DMD: variants seen among roughly 807,000 people sequenced by gnomAD.
The protein encoded by DMD is mutant dystrophin.
A neutral mutation model predicts 330.1 loss-of-function variants in DMD; 63 were observed. That is an observed-to-expected ratio of 0.19 (90% CI 0.16 to 0.24). The LOEUF (loss-of-function observed/expected upper bound fraction) is 0.24, where lower values mean the gene tolerates loss of function less well. DMD is among the 10% of genes least tolerant of loss of function. The pLI, the probability that DMD is intolerant of heterozygous loss-of-function variation, is 1.00. For synonymous variants in DMD, 1,223 were observed against 959.8 expected, an observed-to-expected ratio of 1.27 and a Z score of -5.07; for missense variants, 3,344 against 2,684.1, an observed-to-expected ratio of 1.25 and a Z score of -5.43.
chrX:31,168,040 G>C (rs2039605540), intron 74 of DMD, among the ~76,000 whole-genome samples: 1 of 112,015 alleles, frequency 8.9e-6, no homozygotes, highest in African/African-American at 3.2e-5. Flanking sequence ...GGCTCCATGG[G>C]GAAAGTTATT....
intron 71 of DMD, 111 bp downstream of exon 71, chrX:31,177,821 C>A: frequency 2.7e-6 from 2 of 728,725 alleles, no homozygotes; most frequent in Non-Finnish European, 4.2e-6. Flanking sequence ...ATTAATATGT[C>A]CATAAAACAA....
At chrX:32,748,630 A>G (rs2070395136) in intron 7 of DMD, among the ~76,000 whole-genome samples, 1 of 112,090 alleles carries the variant, frequency 8.9e-6, no homozygotes, top group African/African-American at 3.2e-5. Flanking sequence ...ATCTCAAACC[A>G]TAAATGATGG....
chrX:31,367,067 T>C (rs1276084190), intron 60 of DMD, among the ~76,000 whole-genome samples: 1 of 111,520 alleles, frequency 9.0e-6, no homozygotes, highest in Non-Finnish European at 1.9e-5. Context: ...AAAAGCACTT[T>C]AGAAGGATGG....
At chrX:32,017,636 C>T (rs769913095) in intron 44 of DMD, among the ~76,000 whole-genome samples, 18 of 111,416 alleles carry the variant, frequency 1.6e-4, no homozygotes, top group Non-Finnish European at 2.6e-4. Context: ...ACATATGTAA[C>T]GAGGAACTGG....
chrX:33,284,015 C>CA (rs1200731638), intron 1 of DMD, among the ~76,000 whole-genome samples: 1 of 110,261 alleles, frequency 9.1e-6, no homozygotes, highest in East Asian at 2.9e-4. Context: ...AAGACTGTCT[C>CA]AAAAAACAAG....
At chrX:33,142,438 A>G (rs759583147) in intron 1 of DMD, among the ~76,000 whole-genome samples, 97 of 113,053 alleles carry the variant, frequency 8.6e-4, no homozygotes, top group Non-Finnish European at 1.6e-3. Flanking sequence ...TTGAATAATC[A>G]AAACTGAAGT....
At chrX:33,111,573 C>T (rs1426887138) in intron 1 of DMD, among the ~76,000 whole-genome samples, 2 of 111,709 alleles carry the variant, frequency 1.8e-5, no homozygotes, top group East Asian at 2.8e-4. Context: ...ATAAACAAAA[C>T]GACAAACATA....
intron 44 of DMD, among the ~76,000 whole-genome samples, chrX:32,128,778 T>C (rs2096673784): frequency 8.9e-6 from 1 of 112,145 alleles, no homozygotes; most frequent in Non-Finnish European, 1.9e-5. Flanking sequence ...AAAACTGAAA[T>C]AGGAACTCAG....
chrX:32,383,461 G>A (rs1042270603), intron 33 of DMD, among the ~76,000 whole-genome samples: 5 of 111,190 alleles, frequency 4.5e-5, no homozygotes, highest in Admixed American at 1.9e-4. Flanking sequence ...AGCTACTGCT[G>A]TTGAAAATAT....
chrX:31,759,379 A>G (rs754275073), intron 51 of DMD, among the ~76,000 whole-genome samples: 145 of 111,108 alleles, frequency 1.3e-3, no homozygotes, highest in African/African-American at 4.6e-3. Flanking sequence ...GCTTTTACAT[A>G]TTTATAAAAT....
chrX:32,897,260 G>A (rs1178500630), intron 2 of DMD, among the ~76,000 whole-genome samples: 2 of 109,853 alleles, frequency 1.8e-5, no homozygotes, highest in Admixed American at 2.0e-4. Context: ...AATGTTTTTA[G>A]AAAACATCAC....
chrX:31,123,968 C>T (rs1042096823), intron 78 of DMD, among the ~76,000 whole-genome samples: 6 of 111,707 alleles, frequency 5.4e-5, no homozygotes, highest in Non-Finnish European at 9.4e-5. Context: ...ATTATATAGC[C>T]AAGTGGTGCT....
chrX:32,352,423 C>G (rs1025550649), intron 37 of DMD, among the ~76,000 whole-genome samples: 1 of 110,317 alleles, frequency 9.1e-6, no homozygotes, highest in African/African-American at 3.3e-5. Context: ...CTGAGATGTC[C>G]AAATTATTGT....
intron 47 of DMD, among the ~76,000 whole-genome samples, chrX:31,897,136 T>C (rs1169621182): frequency 9.2e-6 from 1 of 108,308 alleles, no homozygotes; most frequent in Admixed American, 9.9e-5. Context: ...TGTGTTCTCA[T>C]TGTTCAATTC....
intron 48 of DMD, among the ~76,000 whole-genome samples, chrX:31,848,305 C>T (rs1028552841): frequency 9.0e-6 from 1 of 111,521 alleles, no homozygotes; most frequent in Admixed American, 9.6e-5. Flanking sequence ...GGTCAGAGAA[C>T]TGGTTTGAGC....
At chrX:33,063,492 A>G (rs922951832) in intron 1 of DMD, among the ~76,000 whole-genome samples, 4 of 111,967 alleles carry the variant, frequency 3.6e-5, no homozygotes, top group African/African-American at 1.3e-4. Context: ...GAATGAGGGT[A>G]AGGCTCGAGT....
intron 2 of DMD, among the ~76,000 whole-genome samples, chrX:32,880,121 G>A (rs1408795212): frequency 4.5e-5 from 5 of 110,426 alleles, no homozygotes; most frequent in Non-Finnish European, 9.5e-5. Flanking sequence ...CACCTTTCCC[G>A]CATCCTTTTC....
intron 62 of DMD, 63 bp from the exon 63 acceptor site, chrX:31,261,079 A>G: frequency 7.1e-6 from 7 of 984,540 alleles, no homozygotes; most frequent in Non-Finnish European, 1.0e-5. Flanking sequence ...AAAACAGGAA[A>G]AAAGAAAACA....
chrX:31,620,034 T>A (rs2078436648), intron 55 of DMD, among the ~76,000 whole-genome samples: 1 of 112,227 alleles, frequency 8.9e-6, no homozygotes, highest in Admixed American at 9.4e-5. Context: ...CTTTTAATTA[T>A]TTTCATTATT....
Sources: gnomAD v4.1 joint callset for allele counts (sites outside exome capture counted in the v4.1 genomes callset) on GRCh38, gnomAD v4.1.1 for gene constraint, MANE v1.5 for transcripts, NCBI Gene and HGNC (gene_info 2026-07-23, HGNC 2026-07-21) for gene names.